The following FMN1 variants were observed in gnomAD, a reference collection of about 807,000 sequenced individuals.
FMN1 encodes formin 1.
Under a neutral mutation model 132.4 loss-of-function variants are expected in FMN1, and 110 were observed. The observed-to-expected ratio is 0.83, with a 90% CI of 0.71 to 0.97. The LOEUF (loss-of-function observed/expected upper bound fraction) is 0.97. FMN1 is among the 50% of genes least tolerant of loss of function. The pLI is 0.00. For synonymous variants in FMN1, 722 were observed against 651.7 expected (o/e 1.11, Z -1.64); for missense variants, 1,792 against 1,705.3 (o/e 1.05, Z -0.90).
At chr15:33,042,964 A>G (rs548531242) in intron 6 of FMN1, among the ~76,000 whole-genome samples, 49 of 152,198 alleles carry the variant, frequency 3.2e-4, no homozygotes, top group African/African-American at 1.1e-3. Flanking sequence ...ACACAAAAAC[A>G]AATAATGGAA....
intron 9 of FMN1, among the ~76,000 whole-genome samples, chr15:32,936,185 A>C (rs546798866): frequency 6.6e-5 from 10 of 152,064 alleles, no homozygotes; most frequent in Non-Finnish European, 8.8e-5. Context: ...ATTTTGAATT[A>C]TTTGTCAAGT....
At chr15:33,160,061 A>C (rs994532516) in intron 3 of FMN1, among the ~76,000 whole-genome samples, 5 of 152,240 alleles carry the variant, frequency 3.3e-5, no homozygotes, top group Admixed American at 6.5e-5. Context: ...AGAGCCCAGA[A>C]GTATGGGAAA....
At chr15:32,843,482 G>C (rs1198838567) in intron 17 of FMN1, among the ~76,000 whole-genome samples, 1 of 152,288 alleles carries the variant, frequency 6.6e-6, no homozygotes, top group Non-Finnish European at 1.5e-5. Context: ...TCCTAGAATC[G>C]TGAAGCCAAA....
chr15:32,846,851 C>T (rs186951676), intron 17 of FMN1, among the ~76,000 whole-genome samples: 236 of 152,278 alleles, frequency 1.5e-3, no homozygotes, highest in African/African-American at 5.3e-3. Flanking sequence ...AAATGTGGTA[C>T]ATATATACCA....
chr15:33,011,300 T>C (rs1248486877), intron 6 of FMN1, among the ~76,000 whole-genome samples: 1 of 152,158 alleles, frequency 6.6e-6, no homozygotes, highest in Non-Finnish European at 1.5e-5. Context: ...TGAAGATCAT[T>C]AGTTACACAA....
At chr15:33,161,062 T>C (rs894067581) in intron 3 of FMN1, among the ~76,000 whole-genome samples, 1 of 152,232 alleles carries the variant, frequency 6.6e-6, no homozygotes, top group Non-Finnish European at 1.5e-5. Context: ...ACATCCTAAT[T>C]GATTTTGGCC....
intron 9 of FMN1, among the ~76,000 whole-genome samples, chr15:32,956,925 T>G (rs2061782258): frequency 6.6e-6 from 1 of 152,160 alleles, no homozygotes; most frequent in Admixed American, 6.5e-5. Context: ...AGTCTGGGAT[T>G]TGAGAATTAC....
chr15:33,034,790 C>A (rs1350193523), intron 6 of FMN1, among the ~76,000 whole-genome samples: 4 of 152,122 alleles, frequency 2.6e-5, no homozygotes, highest in African/African-American at 9.7e-5. Context: ...CTTTCCTGGG[C>A]CTACTTACCC....
At chr15:32,978,675 C>A (rs923195702) in intron 7 of FMN1, among the ~76,000 whole-genome samples, 1 of 152,146 alleles carries the variant, frequency 6.6e-6, no homozygotes, top group Admixed American at 6.5e-5. Flanking sequence ...AAACCCAGGT[C>A]CTTAATACAC....
chr15:33,136,054 T>A (rs934620549), intron 4 of FMN1, among the ~76,000 whole-genome samples: 3 of 152,256 alleles, frequency 2.0e-5, no homozygotes, highest in Admixed American at 1.3e-4. Context: ...AATGCTTTTG[T>A]AGATATAAAT....
intron 6 of FMN1, among the ~76,000 whole-genome samples, chr15:33,033,785 T>A: frequency 6.6e-6 from 1 of 152,072 alleles, no homozygotes; most frequent in East Asian, 1.9e-4. Context: ...ACACCTCCAA[T>A]ACTCTTTCAT....
intron 17 of FMN1, among the ~76,000 whole-genome samples, chr15:32,854,242 A>C (rs928914687): frequency 3.9e-5 from 6 of 152,194 alleles, no homozygotes; most frequent in Non-Finnish European, 8.8e-5. Flanking sequence ...CCCTCATAAG[A>C]CATCTCAGTT....
chr15:33,065,189 C>T (rs2037666842), intron 5 of FMN1, 115 bp from the exon 6 acceptor site: 1 of 617,762 alleles, frequency 1.6e-6, no homozygotes, highest in East Asian at 2.7e-5. Flanking sequence ...TTGCACATTG[C>T]TCTCATTCAC....
intron 17 of FMN1, among the ~76,000 whole-genome samples, chr15:32,847,218 C>G (rs549305648): frequency 1.3e-5 from 2 of 148,698 alleles, no homozygotes; most frequent in South Asian, 2.1e-4. Context: ...GTATAGTCCC[C>G]TGTTCTACCA....
intron 5 of FMN1, among the ~76,000 whole-genome samples, chr15:33,079,449 CCT>C (rs2038361229): frequency 6.6e-6 from 1 of 152,156 alleles, no homozygotes; most frequent in South Asian, 2.1e-4. Context: ...ATGGTGAAAC[CCT>C]GTCTCTACTG....
At chr15:33,067,685 G>GGAT (rs1445867867) in intron 5 of FMN1, 1 of 1,613,918 alleles carries the variant, frequency 6.2e-7, no homozygotes, top group African/African-American at 1.3e-5. Flanking sequence ...CTGAGATGTG[G>GGAT]GATTCACGTC....
At chr15:32,986,802 G>C (rs949953175) in intron 7 of FMN1, among the ~76,000 whole-genome samples, 1 of 151,940 alleles carries the variant, frequency 6.6e-6, no homozygotes, top group Admixed American at 6.6e-5. Flanking sequence ...CCCCACCTTA[G>C]ATTATACTAT....
chr15:32,959,693 C>G (rs1412315139), intron 9 of FMN1, among the ~76,000 whole-genome samples: 1 of 152,158 alleles, frequency 6.6e-6, no homozygotes, highest in Admixed American at 6.5e-5. Flanking sequence ...TTATCAAGTA[C>G]TAACTGCCTT....
At chr15:33,103,080 T>C (rs2039354328) in intron 4 of FMN1, among the ~76,000 whole-genome samples, 1 of 152,144 alleles carries the variant, frequency 6.6e-6, no homozygotes, top group Non-Finnish European at 1.5e-5. Context: ...TGCCTGTGTT[T>C]AGTAGATATA....
Sources: gnomAD v4.1 joint callset for allele counts (sites outside exome capture counted in the v4.1 genomes callset) on GRCh38, gnomAD v4.1.1 for gene constraint, MANE v1.5 for transcripts, NCBI Gene and HGNC (gene_info 2026-07-23, HGNC 2026-07-21) for gene names.